TBC1D5: variants seen among roughly 807,000 people sequenced by gnomAD.
TBC1D5 encodes the protein TBC1 domain family member 5.
A neutral mutation model predicts 100.3 loss-of-function variants in TBC1D5; 75 were observed. That is an observed-to-expected ratio of 0.75 (90% CI 0.62 to 0.91). The LOEUF (loss-of-function observed/expected upper bound fraction) is 0.91, where lower values mean the gene tolerates loss of function less well. Ranked by LOEUF, TBC1D5 falls within the 40% of genes least tolerant of loss-of-function variation. TBC1D5 has a pLI of 0.00. For missense variants in TBC1D5, 910 were observed against 942.4 expected (o/e 0.97, Z 0.45); for synonymous variants, 323 against 325.6 (o/e 0.99, Z 0.09).
intron 2 of TBC1D5, among the ~76,000 whole-genome samples, chr3:17,563,819 G>C (rs1215026506): frequency 6.6e-6 from 1 of 152,156 alleles, no homozygotes; most frequent in Non-Finnish European, 1.5e-5. Context: ...GTCTCCCTCT[G>C]TTGCCCAGGC....
intron 2 of TBC1D5, among the ~76,000 whole-genome samples, chr3:17,598,457 C>G (rs925078686): frequency 6.6e-6 from 1 of 152,154 alleles, no homozygotes; most frequent in Non-Finnish European, 1.5e-5. Context: ...CAGTTCCAGA[C>G]TTCTTATTCT....
chr3:17,402,569 CCA>C (rs2093675095), intron 8 of TBC1D5, among the ~76,000 whole-genome samples: 1 of 152,064 alleles, frequency 6.6e-6, no homozygotes, highest in South Asian at 2.1e-4. Flanking sequence ...AGTAATTTTC[CCA>C]CAATTACAGC....
intron 13 of TBC1D5, among the ~76,000 whole-genome samples, chr3:17,367,193 G>A (rs1457577184): frequency 1.9e-4 from 29 of 152,138 alleles, no homozygotes; most frequent in Admixed American, 1.9e-3. Flanking sequence ...TACTAAAACT[G>A]TTAAACTTCA....
intron 3 of TBC1D5, among the ~76,000 whole-genome samples, chr3:17,478,369 T>C (rs889717836): frequency 6.6e-6 from 1 of 152,086 alleles, no homozygotes; most frequent in Non-Finnish European, 1.5e-5. Context: ...ACATTCAGGG[T>C]GTGACTTTCC....
intron 18 of TBC1D5, among the ~76,000 whole-genome samples, chr3:17,196,017 A>T (rs1205220479): frequency 6.6e-6 from 1 of 152,194 alleles, no homozygotes. Flanking sequence ...AGCCTAAGAC[A>T]TCTCAATACT....
intron 15 of TBC1D5, among the ~76,000 whole-genome samples, chr3:17,281,254 A>C (rs2080560764): frequency 1.3e-5 from 2 of 152,280 alleles, no homozygotes; most frequent in Admixed American, 1.3e-4. Context: ...TGGCTAAATG[A>C]ATAAAAATAG....
intron 2 of TBC1D5, among the ~76,000 whole-genome samples, chr3:17,520,987 A>T (rs2153314796): frequency 6.6e-6 from 1 of 152,264 alleles, no homozygotes; most frequent in East Asian, 1.9e-4. Flanking sequence ...AAAAACTAAA[A>T]TGTGTGATTC....
At chr3:17,729,578 G>A (rs771853462) in intron 1 of TBC1D5, among the ~76,000 whole-genome samples, 30 of 152,078 alleles carry the variant, frequency 2.0e-4, no homozygotes, top group Non-Finnish European at 4.4e-4. Flanking sequence ...GTTGTGGTAC[G>A]CACCTGTAGT....
At chr3:17,666,473 C>T (rs2067263161) in intron 1 of TBC1D5, among the ~76,000 whole-genome samples, 1 of 152,092 alleles carries the variant, frequency 6.6e-6, no homozygotes, top group Admixed American at 6.5e-5. Context: ...TCAGATTTCC[C>T]AAGCATCATT....
At chr3:17,284,132 A>C (rs1273637965) in intron 15 of TBC1D5, among the ~76,000 whole-genome samples, 2 of 149,772 alleles carry the variant, frequency 1.3e-5, no homozygotes, top group African/African-American at 2.5e-5. Flanking sequence ...ACGTATTTTT[A>C]ATTTAGACAG....
chr3:17,451,736 A>G (rs1021905295), intron 3 of TBC1D5, among the ~76,000 whole-genome samples: 4 of 152,202 alleles, frequency 2.6e-5, no homozygotes, highest in Non-Finnish European at 4.4e-5. Flanking sequence ...ACAAACCTGC[A>G]TATTCTGCAC....
chr3:17,403,097 TG>T (rs1440263424), intron 8 of TBC1D5, 83 bp downstream of exon 8: 1 of 1,182,346 alleles, frequency 8.5e-7, no homozygotes, highest in African/African-American at 1.6e-5. Flanking sequence ...TTAAGTTGAC[TG>T]CAGATTTTGT....
intron 13 of TBC1D5, among the ~76,000 whole-genome samples, chr3:17,317,819 C>T (rs993681267): frequency 1.5e-4 from 23 of 152,022 alleles, no homozygotes; most frequent in Non-Finnish European, 2.9e-4. Flanking sequence ...GTCGGTGTGG[C>T]GATTCCTCAG....
chr3:17,375,031 A>G (rs1177749840), intron 10 of TBC1D5, among the ~76,000 whole-genome samples: 1 of 152,170 alleles, frequency 6.6e-6, no homozygotes, highest in Admixed American at 6.6e-5. Flanking sequence ...TACTGGTCAA[A>G]TATGCAATAT....
chr3:17,363,504 G>C lies in TBC1D5; in HGVS notation c.995+8571C>G, dbSNP rs1310784464. Among the ~76,000 whole-genome samples, 6 of 151,120 alleles carry C rather than the reference G, an allele frequency of 4.0e-5. No homozygotes were observed. In the East Asian group the frequency reaches 1.2e-3, roughly 29 times the overall value. ...AGACAGGGTCTACTCCCAGGTCTCT[G>C]GGACTACAGGTGTGCACCACCATAC... On this transcript the variant is annotated intron_variant, in intron 13 of 21. Transcript: ENST00000253692.
intron 2 of TBC1D5, among the ~76,000 whole-genome samples, chr3:17,556,754 G>T (rs905937119): frequency 6.6e-6 from 1 of 152,074 alleles, no homozygotes; most frequent in Non-Finnish European, 1.5e-5. Context: ...TTCCATAAAT[G>T]ATTGTTATAC....
intron 2 of TBC1D5, among the ~76,000 whole-genome samples, chr3:17,608,663 TTC>T (rs2061488758): frequency 6.6e-6 from 1 of 152,328 alleles, no homozygotes; most frequent in Admixed American, 6.5e-5. Flanking sequence ...GAAATAACAT[TTC>T]TTTCTCCCTT....
chr3:17,635,713 T>C (rs1052453457), intron 1 of TBC1D5, among the ~76,000 whole-genome samples: 1 of 151,974 alleles, frequency 6.6e-6, no homozygotes, highest in East Asian at 1.9e-4. Context: ...ACTATCCTAA[T>C]GAAAAGGTAA....
At chr3:17,224,176 A>T (rs986501188) in intron 17 of TBC1D5, among the ~76,000 whole-genome samples, 1 of 152,106 alleles carries the variant, frequency 6.6e-6, no homozygotes, top group African/African-American at 2.4e-5. Flanking sequence ...CAATGGACAA[A>T]TTTCACTAAG....
Sources: gnomAD v4.1 joint callset for allele counts (sites outside exome capture counted in the v4.1 genomes callset) on GRCh38, gnomAD v4.1.1 for gene constraint, MANE v1.5 for transcripts, NCBI Gene and HGNC (gene_info 2026-07-23, HGNC 2026-07-21) for gene names.